UBR1: variants seen among roughly 807,000 people sequenced by gnomAD.
The protein encoded by UBR1 is ubiquitin protein ligase E3 component n-recognin 1.
In UBR1, 102 loss-of-function variants were observed where a neutral mutation model predicts 242.1. That is an observed-to-expected ratio of 0.42 (90% confidence interval 0.36 to 0.50). The LOEUF is 0.50. UBR1 is among the 20% of genes least tolerant of loss of function. The pLI, the probability that UBR1 is intolerant of heterozygous loss-of-function variation, is 0.01. For missense variants in UBR1, 1,772 were observed against 2,101.8 expected (o/e 0.84, Z 3.07); for synonymous variants, 675 against 684.8 (o/e 0.99, Z 0.22).
intron 12 of UBR1, among the ~76,000 whole-genome samples, chr15:43,053,753 T>C (rs2033583114): frequency 1.3e-5 from 2 of 151,974 alleles, no homozygotes; most frequent in Non-Finnish European, 2.9e-5. Context: ...CTGCTGTACC[T>C]GGCTAATTTT....
chr15:43,080,602 C>T (rs1249990033), intron 3 of UBR1, among the ~76,000 whole-genome samples: 5 of 152,164 alleles, frequency 3.3e-5, no homozygotes, highest in African/African-American at 9.7e-5. Flanking sequence ...TTTCCATTCA[C>T]CTACTGAAGG....
chr15:43,022,958 G>A (rs2033129209), intron 25 of UBR1, among the ~76,000 whole-genome samples, 157 bp from the exon 26 acceptor site: 1 of 152,114 alleles, frequency 6.6e-6, no homozygotes, highest in East Asian at 1.9e-4. Flanking sequence ...AAGCTCTTGG[G>A]CTCAAGTGAT....
At position 43,007,104 on chromosome 15, in the gene UBR1, C is replaced by T; in HGVS notation, c.3390G>A (p.Arg1130=). The T allele has an allele frequency of 6.2e-7, 1 of 1,614,062 alleles. No individual in the cohort carries two copies. The highest frequency in any genetic ancestry group is 1.1e-5 in the South Asian group (1 of 91,066). Residue 1130 remains arginine, a synonymous_variant, in exon 30 of 47, where the codon AGG becomes AGA. Coordinates refer to ENST00000290650, the MANE Select transcript of UBR1 (RefSeq NM_174916.3). ...CTCCTGAGAGTTCTATGGGTTTTCC[C>T]CTGTGCTGGGTTAAGGCAGTAGATT... ...VQKSTALTQH[R]GKPIELSGEA... is the part of the protein sequence containing the mutation.
intron 30 of UBR1, among the ~76,000 whole-genome samples, chr15:43,004,255 G>C (rs1376267524): frequency 6.6e-6 from 1 of 152,020 alleles, no homozygotes; most frequent in Non-Finnish European, 1.5e-5. Flanking sequence ...AATTTTAATA[G>C]TAATTTGATA....
Position 43,048,442 on chromosome 15 carries a change from G to C in UBR1, c.1489C>G (p.Gln497Glu). The change falls in exon 13 of 47, where the codon CAG becomes GAG. Residue 497 changes from glutamine (Q) to glutamate (E), a missense_variant. Gln to Glu is a conservative substitution (Grantham distance 29, BLOSUM62 2). This residue lies in a region of UBR1 where 734 missense variants were observed against 893.3 expected (regional missense o/e 0.82). Coordinates refer to ENST00000290650, the MANE Select transcript of UBR1 (RefSeq NM_174916.3). ...PTIWTERLRM[Q>E]FLEGFRSFLK... The stretch of plus-strand genomic sequence containing the variant: ...AAAGATCGAAAACCTTCAAGGAACT[G>C]CATTCTTAATCTTTCTGTCCATATT... The C allele has an allele frequency of 6.2e-7, 1 of 1,613,746 alleles. No homozygotes were observed. The highest frequency in any genetic ancestry group is 1.1e-5 in the South Asian group (1 of 91,050).
intron 42 of UBR1, among the ~76,000 whole-genome samples, chr15:42,962,346 A>C (rs2032036926): frequency 6.6e-6 from 1 of 152,184 alleles, no homozygotes; most frequent in Admixed American, 6.5e-5. Flanking sequence ...AAACAGCGGT[A>C]TCATGGAGCC....
At chr15:43,018,812 T>C (rs2033064537) in intron 27 of UBR1, among the ~76,000 whole-genome samples, 1 of 152,324 alleles carries the variant, frequency 6.6e-6, no homozygotes, top group Non-Finnish European at 1.5e-5. Flanking sequence ...TAACAGCAGA[T>C]ACATGTGCTT....
chr15:43,000,193 G>A (rs2141283711), intron 32 of UBR1, among the ~76,000 whole-genome samples: 1 of 152,232 alleles, frequency 6.6e-6, no homozygotes, highest in African/African-American at 2.4e-5. Flanking sequence ...TCAACTATAT[G>A]GGTAAGTCGA....
chr15:43,058,950 T>A, intron 9 of UBR1, 135 bp downstream of exon 9: 1 of 762,760 alleles, frequency 1.3e-6, no homozygotes, highest in South Asian at 1.6e-5. Context: ...AACTTTATAT[T>A]CACATGTAGT....
intron 1 of UBR1, among the ~76,000 whole-genome samples, chr15:43,091,794 T>TG (rs1278348244): frequency 6.8e-6 from 1 of 146,884 alleles, no homozygotes; most frequent in African/African-American, 2.5e-5. Context: ...TAGCCAGGTG[T>TG]GGTGGTGCGC....
At chr15:43,043,490 G>T in intron 14 of UBR1, 95 bp from the exon 15 acceptor site, 1 of 1,149,902 alleles carries the variant, frequency 8.7e-7, no homozygotes, top group Non-Finnish European at 1.3e-6. Context: ...GGCCTAGGCT[G>T]GAGTACAGTG....
chr15:43,074,399 A>C (rs929300019), intron 4 of UBR1, among the ~76,000 whole-genome samples: 1 of 152,088 alleles, frequency 6.6e-6, no homozygotes, highest in African/African-American at 2.4e-5. Context: ...ATTAATAATT[A>C]CTTCCTTTTG....
At chr15:42,961,435 T>C (rs1207008854) in intron 42 of UBR1, among the ~76,000 whole-genome samples, 1 of 149,932 alleles carries the variant, frequency 6.7e-6, no homozygotes, top group African/African-American at 2.5e-5. Flanking sequence ...TTTTTTTTTT[T>C]TTTTTTTAGA....
At chr15:43,068,340 C>T (rs2033781803) in intron 5 of UBR1, among the ~76,000 whole-genome samples, 1 of 151,838 alleles carries the variant, frequency 6.6e-6, no homozygotes, top group Admixed American at 6.6e-5. Context: ...AGGCACGTGT[C>T]ACCACACCCC....
intron 6 of UBR1, among the ~76,000 whole-genome samples, chr15:43,067,350 T>C (rs1168547036): frequency 6.6e-6 from 1 of 152,174 alleles, no homozygotes; most frequent in African/African-American, 2.4e-5. Flanking sequence ...TTTTAAAAAG[T>C]ACATTAAAAA....
At chr15:42,976,338 A>G (rs2032287334) in intron 39 of UBR1, among the ~76,000 whole-genome samples, 1 of 152,208 alleles carries the variant, frequency 6.6e-6, no homozygotes, top group Non-Finnish European at 1.5e-5. Flanking sequence ...AAATGCTACA[A>G]GGGGAAGAAA....
chr15:42,965,456 CATATGT>C (rs2032090322), intron 41 of UBR1, among the ~76,000 whole-genome samples: 1 of 149,850 alleles, frequency 6.7e-6, no homozygotes, highest in Non-Finnish European at 1.5e-5. Flanking sequence ...TTAATGTAGT[CATATGT>C]ACTTTTTTTT....
chr15:43,004,391 G>C (rs568648067), intron 30 of UBR1, among the ~76,000 whole-genome samples: 1 of 151,406 alleles, frequency 6.6e-6, no homozygotes, highest in South Asian at 2.1e-4. Context: ...CCCTCTCCCT[G>C]TCCCCGGTCT....
chr15:43,056,211 A>G (rs1347778301), intron 11 of UBR1, 133 bp downstream of exon 11: 4 of 716,076 alleles, frequency 5.6e-6, no homozygotes, highest in Non-Finnish European at 7.4e-6. Context: ...GTCCTTGGGT[A>G]GCACTAAAGT....
Sources: allele counts gnomAD v4.1 joint callset (sites outside exome capture counted in the v4.1 genomes callset), GRCh38; gene constraint gnomAD v4.1.1; regional missense constraint gnomAD v4.1.1; transcripts MANE v1.5; gene names NCBI Gene and HGNC (gene_info 2026-07-23, HGNC 2026-07-21).